The following RBFOX3 variants were observed in gnomAD, a reference collection of about 807,000 sequenced individuals.
RBFOX3 encodes RNA binding fox-1 homolog 3.
Under a neutral mutation model 48.7 loss-of-function variants are expected in RBFOX3, and 17 were observed. The observed-to-expected ratio is 0.35, with a 90% CI of 0.24 to 0.52. The LOEUF is 0.52. Among genes scored for constraint, RBFOX3 ranks in the 20% least tolerant of loss-of-function variants. The pLI is 0.94. For missense variants in RBFOX3, 382 were observed against 497.5 expected (o/e 0.77, Z 2.21); for synonymous variants, 212 against 209.5 (o/e 1.01, Z -0.10).
intron 2 of RBFOX3, among the ~76,000 whole-genome samples, chr17:79,380,618 A>AG (rs1235851204): frequency 6.6e-6 from 1 of 152,104 alleles, no homozygotes; most frequent in Non-Finnish European, 1.5e-5. Flanking sequence ...AAAATGGGTG[A>AG]GGGGCAGGCA....
intron 2 of RBFOX3, among the ~76,000 whole-genome samples, chr17:79,386,702 T>C (rs963259896): frequency 2.0e-5 from 3 of 152,146 alleles, no homozygotes; most frequent in Non-Finnish European, 4.4e-5. Flanking sequence ...GGCCCCGCTG[T>C]TCCCTGCAGC....
At chr17:79,138,993 A>T (rs1448999941) in intron 4 of RBFOX3, among the ~76,000 whole-genome samples, 1 of 59,010 alleles carries the variant, frequency 1.7e-5, no homozygotes, top group East Asian at 7.9e-4. Flanking sequence ...ACCCCCTCAC[A>T]CACATGCACA....
rs1012212646 is a variant in RBFOX3 at position 79,263,181 on chromosome 17, C to T, written c.-73-27376G>A. Among the ~76,000 whole-genome samples, 5 of 152,226 alleles carry T rather than the reference C, an allele frequency of 3.3e-5. No individual in the cohort carries two copies. The South Asian group carries it at 1.0e-3, about 31-fold the overall frequency. On this transcript the variant is annotated intron_variant, in intron 3 of 14. Coordinates refer to ENST00000693108, the MANE Select transcript of RBFOX3 (RefSeq NM_001350451.2). Reference sequence around the variant, plus strand: ...CTGGGGTACCCCCCCGGCTGTGCTGCCTCCCCCAACCTTTGGAGGGCTCAG... The same window carrying T: ...CTGGGGTACCCCCCCGGCTGTGCTGTCTCCCCCAACCTTTGGAGGGCTCAG...
chr17:79,659,982 C>T, the RBFOX3 span, among the ~76,000 whole-genome samples: 3 of 151,984 alleles, frequency 2.0e-5, no homozygotes, highest in African/African-American at 7.3e-5. Flanking sequence ...AGGTCAGGAG[C>T]TCAAGACCAG....
chr17:79,578,772 G>T (rs2092947001), intron 1 of RBFOX3, among the ~76,000 whole-genome samples: 1 of 152,232 alleles, frequency 6.6e-6, no homozygotes, highest in Non-Finnish European at 1.5e-5. Flanking sequence ...TGGGTAGCTG[G>T]TGTAGGGTTT....
At chr17:79,620,473 G>A in the RBFOX3 span, among the ~76,000 whole-genome samples, 2 of 136,426 alleles carry the variant, frequency 1.5e-5, no homozygotes, top group African/African-American at 5.6e-5. Context: ...ATGCACACGT[G>A]CACACACGCA....
intron 2 of RBFOX3, among the ~76,000 whole-genome samples, chr17:79,459,571 C>T (rs1158394842): frequency 2.0e-5 from 3 of 152,126 alleles, no homozygotes; most frequent in African/African-American, 7.2e-5. Flanking sequence ...AATCACGGGG[C>T]AGTGCTGTGT....
At chr17:79,548,716 CAT>C (rs1346416226) in intron 1 of RBFOX3, among the ~76,000 whole-genome samples, 1 of 152,224 alleles carries the variant, frequency 6.6e-6, no homozygotes, top group African/African-American at 2.4e-5. Context: ...AGCCTGCTAC[CAT>C]CTCTACAGGG....
At chr17:79,387,935 TGTGTAC>T (rs1568160595) in intron 2 of RBFOX3, among the ~76,000 whole-genome samples, 1 of 152,010 alleles carries the variant, frequency 6.6e-6, no homozygotes, top group Admixed American at 6.5e-5. Context: ...TGCGTGTGCA[TGTGTAC>T]ATGTGTGCAT....
intron 14 of RBFOX3, chr17:79,092,678 C>T (rs1001314703): frequency 1.9e-5 from 18 of 950,494 alleles, no homozygotes; most frequent in Middle Eastern, 2.9e-4. Context: ...CAATCAGTAC[C>T]GTCTTTTGGA....
At chr17:79,387,669 C>A (rs1221586993) in intron 2 of RBFOX3, among the ~76,000 whole-genome samples, 1 of 152,192 alleles carries the variant, frequency 6.6e-6, no homozygotes, top group African/African-American at 2.4e-5. Context: ...TGTTGTTGGA[C>A]TGGGGGCCCC....
At chr17:79,376,079 C>T (rs1175720929) in intron 2 of RBFOX3, among the ~76,000 whole-genome samples, 2 of 152,188 alleles carry the variant, frequency 1.3e-5, no homozygotes, top group African/African-American at 4.8e-5. Context: ...GATGTGGAGT[C>T]TGAATGCCCC....
intron 4 of RBFOX3, among the ~76,000 whole-genome samples, chr17:79,222,947 G>A (rs1360465424): frequency 6.6e-6 from 1 of 152,208 alleles, no homozygotes; most frequent in African/African-American, 2.4e-5. Context: ...TGTGATGACA[G>A]TGGTGAATTT....
In RBFOX3 at chr17:79,173,219, A is replaced by ATACATACATAC. The variant is rs1555730608; in HGVS notation, c.-33-57472_-33-57471insGTATGTATGTA. On this transcript the variant is annotated intron_variant, in intron 4 of 14. Coordinates refer to ENST00000693108, the MANE Select transcript of RBFOX3 (RefSeq NM_001350451.2). ...AACGAGACTGTCAAATAAATAAATA[A>ATACATACATAC]ATACATACATACATACATACGTACA... Among the ~76,000 whole-genome samples the ATACATACATAC allele has an allele frequency of 1.2e-3, 180 of 150,710 alleles. 2 individuals are homozygous for ATACATACATAC. In the South Asian group the frequency reaches 0.028, roughly 24 times the overall value.
intron 1 of RBFOX3, among the ~76,000 whole-genome samples, chr17:79,571,423 A>C (rs36174543): frequency 0.71 from 107,865 of 151,886 alleles, 38,551 homozygotes; most frequent in East Asian, 0.94. Context: ...CGGGTGCCAT[A>C]TCCTCTCCAC....
chr17:79,097,907 T>C (rs992395438), intron 9 of RBFOX3, 162 bp from the exon 10 acceptor site: 8 of 691,074 alleles, frequency 1.2e-5, no homozygotes, highest in South Asian at 5.2e-5. Flanking sequence ...GGACAAGTGC[T>C]GAGTTCAAAA....
intron 1 of RBFOX3, among the ~76,000 whole-genome samples, chr17:79,586,922 T>C (rs2093268556): frequency 6.6e-6 from 1 of 152,230 alleles, no homozygotes; most frequent in Non-Finnish European, 1.5e-5. Context: ...TGTGCAAGTC[T>C]GGTAATACCT....
intron 4 of RBFOX3, among the ~76,000 whole-genome samples, chr17:79,228,909 T>C (rs1269273285): frequency 2.6e-5 from 4 of 152,014 alleles, no homozygotes; most frequent in African/African-American, 9.7e-5. Flanking sequence ...AGCTGGCAAC[T>C]CTGATATTGG....
chr17:79,538,433 G>A (rs2089195589), intron 1 of RBFOX3, among the ~76,000 whole-genome samples: 1 of 152,224 alleles, frequency 6.6e-6, no homozygotes, highest in Admixed American at 6.5e-5. Flanking sequence ...TGGAGTGAAG[G>A]GCAAGTTTGG....
Sources: allele counts gnomAD v4.1 joint callset (sites outside exome capture counted in the v4.1 genomes callset), GRCh38; gene constraint gnomAD v4.1.1; transcripts MANE v1.5; gene names NCBI Gene and HGNC (gene_info 2026-07-23, HGNC 2026-07-21).